The following SPHKAP variants were observed in gnomAD, a reference collection of about 807,000 sequenced individuals.
SPHKAP encodes A-kinase anchor protein SPHKAP.
Under a neutral mutation model 137.5 loss-of-function variants are expected in SPHKAP, and 67 were observed. The ratio of observed to expected loss-of-function variants is 0.49; its 90% CI spans 0.40 to 0.60. The LOEUF is 0.60. Ranked by LOEUF, SPHKAP falls within the 20% of genes least tolerant of loss-of-function variation. SPHKAP has a pLI of 0.00. For missense variants in SPHKAP, 2,097 were observed against 2,069.3 expected (o/e 1.01, Z -0.26); for synonymous variants, 813 against 785.3 (o/e 1.04, Z -0.59).
chr2:228,111,809 T>C (rs1258957541), intron 2 of SPHKAP, among the ~76,000 whole-genome samples: 1 of 152,068 alleles, frequency 6.6e-6, no homozygotes, highest in African/African-American at 2.4e-5. Flanking sequence ...ACTTTGGATG[T>C]GAAATTACAG....
intron 3 of SPHKAP, among the ~76,000 whole-genome samples, chr2:228,041,925 A>G (rs1364511889): frequency 6.6e-6 from 1 of 152,090 alleles, no homozygotes; most frequent in Non-Finnish European, 1.5e-5. Flanking sequence ...AGTCTTAGAA[A>G]CAGAGCAGCT....
intron 5 of SPHKAP, among the ~76,000 whole-genome samples, chr2:228,024,388 G>A (rs569755787): frequency 1.6e-3 from 234 of 147,796 alleles, no homozygotes; most frequent in African/African-American, 5.4e-3. Flanking sequence ...GAAAGAAAAC[G>A]GGAATAAAAT....
chr2:228,114,726 G>A (rs990244021), intron 2 of SPHKAP, among the ~76,000 whole-genome samples: 1 of 152,080 alleles, frequency 6.6e-6, no homozygotes, highest in Admixed American at 6.6e-5. Context: ...CACAACATTT[G>A]ACAATTCCTC....
rs554031274 is a variant in SPHKAP, at chr2:228,132,233, A to T, written c.33-148T>A. ...TGCAAATCCCCCTGCTGAAATGGAC[A>T]TTTCTTTGTTGCATACACTTTTGTA... On this transcript the variant is annotated intron_variant, in intron 1 of 11. Transcript: ENST00000392056. 9.0e-5 allele frequency: 65 copies of T among 723,352 alleles called. No individual in the cohort carries two copies. In the East Asian group the frequency reaches 1.6e-3, roughly 18 times the overall value. The allele number at this position is 723,352 out of a possible 1,614,324, so 44.8% of individuals were successfully genotyped here. A position where few individuals can be genotyped will look rare whatever the true frequency, so the allele number is the denominator to read the frequency against.
intron 3 of SPHKAP, among the ~76,000 whole-genome samples, chr2:228,090,126 C>A (rs186469434): frequency 3.0e-4 from 46 of 152,292 alleles, no homozygotes; most frequent in Non-Finnish European, 6.3e-4. Flanking sequence ...TCAACTATAA[C>A]CTGTGAGAGT....
At chr2:228,022,897 TAC>T (rs1381226951) in intron 5 of SPHKAP, among the ~76,000 whole-genome samples, 1 of 152,220 alleles carries the variant, frequency 6.6e-6, no homozygotes, top group Non-Finnish European at 1.5e-5. Flanking sequence ...TTCTATCAAC[TAC>T]AGTTAGATTC....
chr2:228,099,855 GT>G (rs71412163), intron 3 of SPHKAP, among the ~76,000 whole-genome samples: 10 of 62,676 alleles, frequency 1.6e-4, no homozygotes, highest in African/African-American at 4.6e-4. Flanking sequence ...ATTTTTTTTT[GT>G]TTGTTTTTTT....
intron 3 of SPHKAP, among the ~76,000 whole-genome samples, chr2:228,051,099 C>CTGGCCACCCACTCCACT (rs1417460835): frequency 3.9e-5 from 6 of 152,150 alleles, no homozygotes; most frequent in African/African-American, 1.4e-4. Context: ...GCCACTGCAC[C>CTGGCCACCCACTCCACT]TGGCCACCCA....
At chr2:228,099,982 T>C (rs1698138605) in intron 3 of SPHKAP, among the ~76,000 whole-genome samples, 1 of 152,122 alleles carries the variant, frequency 6.6e-6, no homozygotes, top group Non-Finnish European at 1.5e-5. Flanking sequence ...CCCGAGTAGC[T>C]GGGACTACAG....
chr2:227,991,402 T>A, intron 9 of SPHKAP, 76 bp from the exon 10 acceptor site: 1 of 1,607,656 alleles, frequency 6.2e-7, no homozygotes, highest in Non-Finnish European at 8.5e-7. Flanking sequence ...AGGCGATGGG[T>A]CTTACTGATC....
At chr2:227,998,266 G>A (rs1296296599) in intron 7 of SPHKAP, among the ~76,000 whole-genome samples, 1 of 152,118 alleles carries the variant, frequency 6.6e-6, no homozygotes, top group African/African-American at 2.4e-5. Flanking sequence ...CCAAAGTGCT[G>A]GGATTACAGG....
intron 3 of SPHKAP, among the ~76,000 whole-genome samples, chr2:228,055,930 G>A (rs981697237): frequency 6.6e-5 from 10 of 152,200 alleles, no homozygotes; most frequent in African/African-American, 1.4e-4. Flanking sequence ...AGAAATGGCC[G>A]ATGCCAGTTT....
At chr2:228,075,036 A>T (rs1034614054) in intron 3 of SPHKAP, among the ~76,000 whole-genome samples, 1 of 152,192 alleles carries the variant, frequency 6.6e-6, no homozygotes. Context: ...AGCCAAGAAA[A>T]TTTTGGTTCT....
intron 3 of SPHKAP, among the ~76,000 whole-genome samples, chr2:228,028,257 C>T (rs1303436348): frequency 1.3e-5 from 2 of 152,166 alleles, no homozygotes; most frequent in Non-Finnish European, 2.9e-5. Flanking sequence ...CTCCTTTCCT[C>T]TTCTCATTTT....
At chr2:228,044,102 A>G (rs1695944551) in intron 3 of SPHKAP, among the ~76,000 whole-genome samples, 1 of 152,220 alleles carries the variant, frequency 6.6e-6, no homozygotes, top group Non-Finnish European at 1.5e-5. Flanking sequence ...TTTGACAACC[A>G]AACTACTAAA....
At position 228,145,650 on chromosome 2, in the gene SPHKAP, G is replaced by T. The variant is rs955864034; in HGVS notation, c.33-13565C>A. ...CATGAATGCATTTTCCAACTTGTTA[G>T]GTATTAAAAAATTATAAATAAAAAT... On this transcript the variant is annotated intron_variant, in intron 1 of 11. Transcript: ENST00000392056. Among the ~76,000 whole-genome samples, 3 of 152,046 alleles carry T rather than the reference G, an allele frequency of 2.0e-5. No homozygotes were observed. The South Asian group carries it at 6.2e-4, about 32-fold the overall frequency.
At chr2:228,049,124 G>A (rs1696166921) in intron 3 of SPHKAP, among the ~76,000 whole-genome samples, 1 of 152,100 alleles carries the variant, frequency 6.6e-6, no homozygotes, top group South Asian at 2.1e-4. Flanking sequence ...GAAAACAACA[G>A]TACCTATCTC....
At chr2:228,053,949 C>G (rs891972048) in intron 3 of SPHKAP, among the ~76,000 whole-genome samples, 1 of 152,296 alleles carries the variant, frequency 6.6e-6, no homozygotes, top group African/African-American at 2.4e-5. Context: ...TATTTAATCA[C>G]CTATGTTTAG....
chr2:228,118,917 A>G (rs572333834), intron 2 of SPHKAP, among the ~76,000 whole-genome samples: 1 of 152,314 alleles, frequency 6.6e-6, no homozygotes, highest in South Asian at 2.1e-4. Flanking sequence ...TTGTAGGAGG[A>G]CACGTCATAA....
Sources: allele counts gnomAD v4.1 joint callset (sites outside exome capture counted in the v4.1 genomes callset), GRCh38; gene constraint gnomAD v4.1.1; transcripts MANE v1.5; gene names NCBI Gene and HGNC (gene_info 2026-07-23, HGNC 2026-07-21).